The following GPR160 variants were observed in gnomAD, a reference collection of about 807,000 sequenced individuals.
The protein encoded by GPR160 is G protein-coupled receptor 160.
A neutral mutation model predicts 2.6 loss-of-function variants in GPR160; 2 were observed. That is an observed-to-expected ratio of 0.77 (90% confidence interval 0.32 to 2.44). The LOEUF is 2.44. Among genes scored for constraint, GPR160 ranks in the 30% most tolerant of loss-of-function variants. GPR160 has a pLI of 0.11. For synonymous variants in GPR160, 130 were observed against 132.2 expected (o/e 0.98, Z 0.12); for missense variants, 351 against 383.6 (o/e 0.91, Z 0.71).
chr3:170,070,511 T>C (rs1004464549), intron 2 of GPR160, among the ~76,000 whole-genome samples: 6 of 152,336 alleles, frequency 3.9e-5, no homozygotes, highest in African/African-American at 1.4e-4. Context: ...TTCCAAATTT[T>C]ATCATTCCTT....
At chr3:170,073,047 G>A (rs1712679714) in intron 2 of GPR160, among the ~76,000 whole-genome samples, 1 of 152,028 alleles carries the variant, frequency 6.6e-6, no homozygotes, top group African/African-American at 2.4e-5. Flanking sequence ...ACTTAGCCAA[G>A]CATGGTGGCA....
intron 2 of GPR160, among the ~76,000 whole-genome samples, chr3:170,067,576 C>T (rs1712403935): frequency 6.6e-6 from 1 of 152,114 alleles, no homozygotes; most frequent in African/African-American, 2.4e-5. Context: ...CATGTCACCA[C>T]CTCTCAGGTA....
intron 2 of GPR160, among the ~76,000 whole-genome samples, chr3:170,072,491 G>A (rs1444326347): frequency 6.6e-6 from 1 of 152,116 alleles, no homozygotes; most frequent in African/African-American, 2.4e-5. Flanking sequence ...ACCTGAGACT[G>A]GGTAATTTAT....
chr3:170,071,602 G>C (rs906909588), intron 2 of GPR160, among the ~76,000 whole-genome samples: 7 of 151,778 alleles, frequency 4.6e-5, no homozygotes, highest in Non-Finnish European at 8.8e-5. Context: ...AGACCAGCTA[G>C]CCAACATGGC....
chr3:170,080,431 T>TA (rs1713067870), intron 3 of GPR160, among the ~76,000 whole-genome samples: 1 of 152,232 alleles, frequency 6.6e-6, no homozygotes, highest in Non-Finnish European at 1.5e-5. Flanking sequence ...TCCCCGCTCT[T>TA]ATTTTTCTTC....
At chr3:170,082,078 T>C (rs1713162782) in intron 3 of GPR160, among the ~76,000 whole-genome samples, 1 of 152,212 alleles carries the variant, frequency 6.6e-6, no homozygotes, top group Non-Finnish European at 1.5e-5. Context: ...AATTTAATTT[T>C]TTCAGTTTTC....
At chr3:170,056,313 T>C (rs540997465) in intron 2 of GPR160, among the ~76,000 whole-genome samples, 4 of 152,228 alleles carry the variant, frequency 2.6e-5, no homozygotes, top group African/African-American at 7.2e-5. Context: ...ACATAAGGCA[T>C]TGAGTAAAAA....
At chr3:170,072,633 A>G (rs895345162) in intron 2 of GPR160, among the ~76,000 whole-genome samples, 3 of 152,096 alleles carry the variant, frequency 2.0e-5, no homozygotes, top group Admixed American at 1.3e-4. Flanking sequence ...GGTGTGTCAC[A>G]TGGTGAGACA....
chr3:170,044,613 C>T (rs192435292), intron 2 of GPR160, among the ~76,000 whole-genome samples: 9 of 152,242 alleles, frequency 5.9e-5, no homozygotes, highest in Non-Finnish European at 8.8e-5. Context: ...TGCACCTTGG[C>T]GGTTCCCCAG....
At position 170,043,744 on chromosome 3, in the gene GPR160, G is replaced by A. The variant is rs77223535; in HGVS notation, c.-193+4701G>A. 6.5e-4 allele frequency among the ~76,000 whole-genome samples: 99 copies of A among 152,190 alleles called. 1 individual carries two copies. In the East Asian group the frequency reaches 0.017, roughly 26 times the overall value. On this transcript the variant is annotated intron_variant, in intron 2 of 3. Coordinates refer to ENST00000355897, the MANE Select transcript of GPR160 (RefSeq NM_014373.3). The stretch of plus-strand genomic sequence containing the variant: ...ACACCCCACTGTCCTGGTGACAGGC[G>A]GGGGGCATGGGTCACATCTGACCAA...
At chr3:170,074,446 GGTT>G (rs756195646) in intron 2 of GPR160, among the ~76,000 whole-genome samples, 69 of 151,612 alleles carry the variant, frequency 4.6e-4, no homozygotes, top group African/African-American at 1.4e-3. Context: ...GTTGTTTTGG[GGTT>G]GTTGTTGTTG....
intron 2 of GPR160, among the ~76,000 whole-genome samples, chr3:170,073,881 ATTTTTTT>A (rs35575462): frequency 2.4e-5 from 2 of 81,880 alleles, no homozygotes; most frequent in South Asian, 4.9e-4. Flanking sequence ...TTTAATAGGG[ATTTTTTT>A]TTTTTTTTTT....
At position 170,084,434 on chromosome 3, in the gene GPR160, T is replaced by C. The variant is rs1348511278; in HGVS notation, c.462T>C (p.Val154=). Residue 154 remains valine, a synonymous_variant, in exon 4 of 4, where the codon GTT becomes GTC. Transcript: ENST00000355897. The part of the protein sequence containing the change: ...ILIWISVLAY[V]LGDPAIYQSL... ...TTTGGATTTCAGTCCTTGCTTATGTTTTGGGAGACCCAGCCATCTACCAAA... is the reference window on the plus strand; with the variant it reads ...TTTGGATTTCAGTCCTTGCTTATGTCTTGGGAGACCCAGCCATCTACCAAA... 6.2e-7 allele frequency: 1 copy of C among 1,612,210 alleles called. No homozygotes were observed. The highest frequency in any genetic ancestry group is 1.7e-5 in the Admixed American group (1 of 59,998).
chr3:170,069,556 C>T (rs1419850303), intron 2 of GPR160, among the ~76,000 whole-genome samples: 1 of 152,074 alleles, frequency 6.6e-6, no homozygotes, highest in Admixed American at 6.6e-5. Context: ...CATTTTCCAG[C>T]CTCTGAAATT....
In GPR160 at chr3:170,038,457, C is replaced by T. The variant is rs1172248690; in HGVS notation, c.-322+242C>T. ...CTTCGGGATGGGGATTACCGCGGAG[C>T]CTTAGCAACTGGGGTCTGTCGTGGG... On this transcript the variant is annotated intron_variant, in intron 1 of 3. Coordinates refer to ENST00000355897, the MANE Select transcript of GPR160 (RefSeq NM_014373.3). This position sits in a 1 kb window ranked among gnomAD's most constrained non-coding sequence, Gnocchi z 5.3. The T allele has an allele frequency of 6.6e-6, 1 of 152,380 alleles. No homozygotes were observed. Among genetic ancestry groups the T allele is most frequent in the East Asian group, 1.9e-4 (1 of 5,166 alleles). The allele number at this position is 152,380 out of a possible 1,614,324, so 9.4% of individuals were successfully genotyped here. A position where few individuals can be genotyped will look rare whatever the true frequency, so the allele number is the denominator to read the frequency against.
chr3:170,069,340 T>C (rs1164763973), intron 2 of GPR160, among the ~76,000 whole-genome samples: 2 of 152,244 alleles, frequency 1.3e-5, no homozygotes, highest in Non-Finnish European at 2.9e-5. Flanking sequence ...TCCTGAGGTA[T>C]AAATTGGGTT....
chr3:170,055,639 CTT>C (rs34774096), intron 2 of GPR160, among the ~76,000 whole-genome samples: 4,829 of 148,974 alleles, frequency 0.032, 233 homozygotes, highest in African/African-American at 0.1. Flanking sequence ...CTTTTAAAAA[CTT>C]TTTTTTTTTT....
intron 2 of GPR160, among the ~76,000 whole-genome samples, chr3:170,074,730 G>C (rs1712770314): frequency 6.6e-6 from 1 of 151,924 alleles, no homozygotes; most frequent in African/African-American, 2.4e-5. Flanking sequence ...TGATCCTCCT[G>C]CCTCGGCCTC....
Position 170,038,720 on chromosome 3 carries a change from T to C in GPR160, c.-321-195T>C, listed in dbSNP as rs1220300383. ...GCCTCCCCTCCCCTGGCCTCGAGCG[T>C]TGGGGACGGCGCCCCCGCCCGCGCC... On this transcript the variant is annotated intron_variant, in intron 1 of 3. Coordinates refer to ENST00000355897, the MANE Select transcript of GPR160 (RefSeq NM_014373.3). This position sits in a 1 kb window ranked among gnomAD's most constrained non-coding sequence, Gnocchi z 5.3. 1 of 151,642 alleles carries C rather than the reference T, an allele frequency of 6.6e-6. No individual in the cohort carries two copies. Among genetic ancestry groups the C allele is most frequent in the Non-Finnish European group, 1.5e-5 (1 of 67,914 alleles). The allele number at this position is 151,642 out of a possible 1,614,324, so 9.4% of individuals were successfully genotyped here.
Sources: allele counts gnomAD v4.1 joint callset (sites outside exome capture counted in the v4.1 genomes callset), GRCh38; gene constraint gnomAD v4.1.1; non-coding constraint Gnocchi (gnomAD v3.1); transcripts MANE v1.5; gene names NCBI Gene and HGNC (gene_info 2026-07-23, HGNC 2026-07-21).